Variants in CLEC6A observed in about 807,000 individuals in gnomAD.
CLEC6A encodes the protein C-type lectin domain containing 6A.
CLEC6A carries 22 observed loss-of-function variants against 25.7 expected under a neutral mutation model. That is an observed-to-expected ratio of 0.85 (90% CI 0.61 to 1.22). The LOEUF (loss-of-function observed/expected upper bound fraction) is 1.22, where lower values mean the gene tolerates loss of function less well. Ranked by LOEUF, CLEC6A falls within the 50% of genes most tolerant of loss-of-function variation. The probability of loss-of-function intolerance (pLI) is 0.00; values close to 1 mark genes in which losing one functional copy is unlikely to be tolerated. For synonymous variants in CLEC6A, 92 were observed against 76.7 expected, an observed-to-expected ratio of 1.20 and a Z score of -1.04; for missense variants, 240 against 236.8, an observed-to-expected ratio of 1.01 and a Z score of -0.09.
At chr12:8,471,582 A>C (rs929738111) in intron 4 of CLEC6A, among the ~76,000 whole-genome samples, 1 of 152,038 alleles carries the variant, frequency 6.6e-6, no homozygotes, top group South Asian at 2.1e-4. Flanking sequence ...TGTTCTCAGT[A>C]GTCTCTTATA....
At chr12:8,475,814 A>G (rs1346595980) in intron 4 of CLEC6A, among the ~76,000 whole-genome samples, 1 of 152,076 alleles carries the variant, frequency 6.6e-6, no homozygotes, top group Non-Finnish European at 1.5e-5. Context: ...CCATTACACC[A>G]TCTCAACATA....
chr12:8,471,901 G>A (rs1381603907), intron 4 of CLEC6A, among the ~76,000 whole-genome samples: 1 of 152,182 alleles, frequency 6.6e-6, no homozygotes, highest in African/African-American at 2.4e-5. Context: ...GACAGTTATA[G>A]GAGCTTGGTT....
At chr12:8,475,784 A>C (rs1018415009) in intron 4 of CLEC6A, among the ~76,000 whole-genome samples, 8 of 152,102 alleles carry the variant, frequency 5.3e-5, no homozygotes, top group African/African-American at 1.4e-4. Flanking sequence ...TGGCCCAGTC[A>C]GATTGATGCA....
chr12:8,475,125 A>G (rs1264507841), intron 4 of CLEC6A, among the ~76,000 whole-genome samples: 4 of 152,068 alleles, frequency 2.6e-5, no homozygotes, highest in African/African-American at 9.7e-5. Flanking sequence ...GAGTGAGAAC[A>G]TGTGGTGTTT....
At chr12:8,461,011 G>A (rs954904337) in intron 3 of CLEC6A, 7 of 1,474,612 alleles carry the variant, frequency 4.7e-6, no homozygotes, top group South Asian at 1.1e-5. Flanking sequence ...ATTTTTGGGG[G>A]TTATCCTCAT....
intron 4 of CLEC6A, among the ~76,000 whole-genome samples, chr12:8,468,761 T>C (rs1301953913): frequency 6.6e-6 from 1 of 152,098 alleles, no homozygotes; most frequent in African/African-American, 2.4e-5. Flanking sequence ...AAACCCTCAG[T>C]AAAATCAGCA....
At chr12:8,473,284 G>A (rs1167804109) in intron 4 of CLEC6A, among the ~76,000 whole-genome samples, 1 of 8,208 alleles carries the variant, frequency 1.2e-4, no homozygotes, top group Non-Finnish European at 4.1e-4. Context: ...GTGAGCCACC[G>A]CGCCCGGCCA....
chr12:8,469,113 A>C (rs1046672296), intron 4 of CLEC6A, among the ~76,000 whole-genome samples: 1 of 152,214 alleles, frequency 6.6e-6, no homozygotes, highest in African/African-American at 2.4e-5. Flanking sequence ...ATTAATGTAC[A>C]CAAATCAGTA....
At position 8,465,617 on chromosome 12, in the gene CLEC6A, A is replaced by T. The variant is rs1369658609; in HGVS notation, c.357A>T (p.Thr119=). 2.5e-6 allele frequency: 4 copies of T among 1,612,430 alleles called. No individual in the cohort carries two copies. In the East Asian group the frequency reaches 8.9e-5, roughly 36 times the overall value. ...GAGCACATTTGGTTGTGTTCAACAC[A>T]GAAGCAGAGCAGGTACTGTTTCCAT... ...EMGAHLVVFN[T]EAEQNFIVQQ... The change falls in exon 4 of 6, where the codon ACA becomes ACT. Residue 119 remains threonine, a synonymous_variant. Transcript: ENST00000382073.
At chr12:8,471,269 G>C (rs1443910301) in intron 4 of CLEC6A, among the ~76,000 whole-genome samples, 2 of 151,972 alleles carry the variant, frequency 1.3e-5, no homozygotes, top group African/African-American at 4.8e-5. Context: ...TCTTTTTCTA[G>C]TTTTGATACC....
chr12:8,466,296 A>G (rs1382972256), intron 4 of CLEC6A, among the ~76,000 whole-genome samples: 1 of 152,224 alleles, frequency 6.6e-6, no homozygotes, highest in Non-Finnish European at 1.5e-5. Context: ...GTCAATTGTC[A>G]CTTAGGTTGC....
intron 1 of CLEC6A, among the ~76,000 whole-genome samples, chr12:8,457,273 C>T (rs1591704795): frequency 6.6e-6 from 1 of 152,164 alleles, no homozygotes; most frequent in South Asian, 2.1e-4. Context: ...TATTCACTAC[C>T]TCCATGAGAT....
intron 3 of CLEC6A, among the ~76,000 whole-genome samples, chr12:8,463,086 A>G (rs1309739772): frequency 6.6e-6 from 1 of 151,128 alleles, no homozygotes; most frequent in Non-Finnish European, 1.5e-5. Context: ...TGTATTGTTT[A>G]ACAGTTGGAT....
chr12:8,458,518 AC>A (rs1196614930), intron 2 of CLEC6A, among the ~76,000 whole-genome samples: 2 of 152,180 alleles, frequency 1.3e-5, no homozygotes, highest in Non-Finnish European at 2.9e-5. Flanking sequence ...AGTCTTAAAG[AC>A]CTTTTTCCTC....
At chr12:8,461,292 C>CAA in intron 3 of CLEC6A, 1 of 547,332 alleles carries the variant, frequency 1.8e-6, no homozygotes, top group Non-Finnish European at 3.3e-6. Context: ...CAAAAAAAAA[C>CAA]AAGAAAAGAA....
At position 8,460,236 on chromosome 12, in the gene CLEC6A, G is replaced by A. The variant is rs757281390; in HGVS notation, c.223+538G>A. Among the ~76,000 whole-genome samples the A allele has an allele frequency of 2.0e-4, 31 of 152,300 alleles. No homozygotes were observed. The South Asian group carries it at 6.0e-3, about 30-fold the overall frequency. On this transcript the variant is annotated intron_variant, in intron 3 of 5. Transcript: ENST00000382073. Reference sequence around the variant, plus strand: ...GCTGGTAAAGACATACCCGAGACTGGGCAATTTACAAAAGAAAGAGGTTTA... The same window carrying A: ...GCTGGTAAAGACATACCCGAGACTGAGCAATTTACAAAAGAAAGAGGTTTA...
At chr12:8,457,279 G>A (rs1383792072) in intron 1 of CLEC6A, among the ~76,000 whole-genome samples, 1 of 152,050 alleles carries the variant, frequency 6.6e-6, no homozygotes, top group Admixed American at 6.6e-5. Context: ...CTACCTCCAT[G>A]AGATCAATTT....
intron 2 of CLEC6A, among the ~76,000 whole-genome samples, chr12:8,459,083 A>G (rs1263561243): frequency 6.6e-6 from 1 of 152,318 alleles, no homozygotes; most frequent in African/African-American, 2.4e-5. Context: ...GCTTGCATCA[A>G]GGTTATTAAG....
chr12:8,465,576 A>T lies in CLEC6A; in HGVS notation c.316A>T (p.Asn106Tyr), dbSNP rs896828208. 4 of 1,614,056 alleles carry T rather than the reference A, an allele frequency of 2.5e-6. No individual in the cohort carries two copies. Among genetic ancestry groups the T allele is most frequent in the African/African-American group, 1.3e-5 (1 of 74,942 alleles). The stretch of plus-strand genomic sequence containing the variant: ...GAAGGTTTGGTCTAAGAGTGAGCAG[A>T]ACTGTGTTGAGATGGGAGCACATTT... ...EEKVWSKSEQ[N>Y]CVEMGAHLVV... The change falls in exon 4 of 6, where the codon AAC becomes TAC. Residue 106 changes from asparagine to tyrosine, a missense_variant. Physicochemically the swap from Asn to Tyr is moderately radical, Grantham distance 143. Coordinates refer to ENST00000382073, the MANE Select transcript of CLEC6A (RefSeq NM_001007033.2).
Sources: allele counts gnomAD v4.1 joint callset (sites outside exome capture counted in the v4.1 genomes callset), GRCh38; gene constraint gnomAD v4.1.1; transcripts MANE v1.5; gene names NCBI Gene and HGNC (gene_info 2026-07-23, HGNC 2026-07-21).